FTO: variants seen among roughly 807,000 people sequenced by gnomAD.
The protein encoded by FTO is FTO alpha-ketoglutarate dependent dioxygenase.
In FTO, 47 loss-of-function variants were observed where a neutral mutation model predicts 63.9. That is an observed-to-expected ratio of 0.74 (90% CI 0.58 to 0.94). The LOEUF (loss-of-function observed/expected upper bound fraction) is 0.94. FTO is among the 40% of genes least tolerant of loss of function. The pLI is 0.00. For synonymous variants in FTO, 207 were observed against 224.4 expected, an observed-to-expected ratio of 0.92 and a Z score of 0.69; for missense variants, 562 against 618.1, an observed-to-expected ratio of 0.91 and a Z score of 0.96.
In FTO at chr16:54,114,552, T is replaced by C. The variant is rs2086956688; in HGVS notation, c.*2637T>C. 6.6e-6 allele frequency: 1 copy of C among 152,170 alleles called. No homozygotes were observed. Among genetic ancestry groups the C allele is most frequent in the South Asian group, 2.1e-4 (1 of 4,828 alleles). 9.4% of individuals were successfully genotyped at this position (152,170 alleles called of 1,614,324 possible). On this transcript the variant is annotated 3_prime_UTR_variant, in exon 9 of 9. Coordinates refer to ENST00000471389, the MANE Select transcript of FTO (RefSeq NM_001080432.3). Reference sequence around the variant, plus strand: ...GCCCAGGTGGAATTAGTTCTCAAAGTCCTCCAGGTGGAGTCAGGGAATGTG... The same window carrying C: ...GCCCAGGTGGAATTAGTTCTCAAAGCCCTCCAGGTGGAGTCAGGGAATGTG...
chr16:54,069,819 T>G (rs2085822020), intron 8 of FTO: 1 of 152,150 alleles, frequency 6.6e-6, no homozygotes, highest in East Asian at 1.9e-4. Flanking sequence ...CCAGTTTTCA[T>G]TTTGTAAATC....
At chr16:53,910,041 G>A (rs1423501142) in intron 7 of FTO, among the ~76,000 whole-genome samples, 2 of 151,982 alleles carry the variant, frequency 1.3e-5, no homozygotes, top group African/African-American at 2.4e-5. Context: ...ACACAGTCTA[G>A]CTACTATGCC....
chr16:53,794,718 T>A (rs1248455315), intron 1 of FTO, among the ~76,000 whole-genome samples: 1 of 151,950 alleles, frequency 6.6e-6, no homozygotes, highest in East Asian at 1.9e-4. Flanking sequence ...AATGAGAAAA[T>A]GTGGTGTTCC....
At chr16:54,018,638 C>G (rs1222746512) in intron 8 of FTO, among the ~76,000 whole-genome samples, 1 of 152,076 alleles carries the variant, frequency 6.6e-6, no homozygotes, top group Non-Finnish European at 1.5e-5. Context: ...ATGCTAGTCT[C>G]GTGATAGTGA....
chr16:53,801,616 G>C (rs2078228109), intron 1 of FTO, among the ~76,000 whole-genome samples: 1 of 151,630 alleles, frequency 6.6e-6, no homozygotes, highest in Non-Finnish European at 1.5e-5. Flanking sequence ...AAGATCTGCT[G>C]GTGTTGAATT....
intron 5 of FTO, among the ~76,000 whole-genome samples, chr16:53,876,534 A>G (rs2080659437): frequency 6.6e-6 from 1 of 152,238 alleles, no homozygotes; most frequent in Non-Finnish European, 1.5e-5. Flanking sequence ...CAAATCATAT[A>G]TCTCATAAAG....
intron 7 of FTO, among the ~76,000 whole-genome samples, chr16:53,915,778 T>A (rs2081849840): frequency 6.6e-6 from 1 of 152,236 alleles, no homozygotes; most frequent in South Asian, 2.1e-4. Context: ...GTGAAAGGGC[T>A]GTGCCCATCA....
chr16:54,081,261 C>T (rs1224632959), intron 8 of FTO, among the ~76,000 whole-genome samples: 3 of 152,178 alleles, frequency 2.0e-5, no homozygotes, highest in African/African-American at 4.8e-5. Context: ...CTTATGGTTA[C>T]AGCCCTACCC....
chr16:53,815,658 T>G (rs2078660076), intron 2 of FTO, among the ~76,000 whole-genome samples: 1 of 91,792 alleles, frequency 1.1e-5, no homozygotes, highest in African/African-American at 3.4e-5. Context: ...TTTTTTTTTT[T>G]TTTTTTTTGA....
intron 6 of FTO, among the ~76,000 whole-genome samples, chr16:53,882,401 A>G (rs1309751369): frequency 1.3e-5 from 2 of 151,746 alleles, no homozygotes; most frequent in African/African-American, 2.4e-5. Context: ...GAGCAAGATG[A>G]TAGAAATTGA....
At chr16:54,008,860 A>G (rs1252154616) in intron 8 of FTO, among the ~76,000 whole-genome samples, 1 of 139,828 alleles carries the variant, frequency 7.2e-6, no homozygotes. Context: ...TAATAATAAT[A>G]AATTAGCTGG....
chr16:53,929,681 A>G (rs1284795146), intron 7 of FTO, among the ~76,000 whole-genome samples: 1 of 152,200 alleles, frequency 6.6e-6, no homozygotes, highest in Non-Finnish European at 1.5e-5. Flanking sequence ...TTAAAAACTT[A>G]AATGCTATTT....
chr16:54,039,987 C>A (rs1272217883), intron 8 of FTO: 2 of 152,260 alleles, frequency 1.3e-5, no homozygotes, highest in East Asian at 3.9e-4. Flanking sequence ...AGGTTTCTAA[C>A]CTTGGCTGCA....
intron 8 of FTO, among the ~76,000 whole-genome samples, chr16:54,050,859 A>G (rs182830515): frequency 6.6e-6 from 1 of 152,244 alleles, no homozygotes; most frequent in African/African-American, 2.4e-5. Context: ...CAACAGAACT[A>G]TTAACTTTCT....
At chr16:53,799,090 A>G (rs569502812) in intron 1 of FTO, among the ~76,000 whole-genome samples, 73 of 152,032 alleles carry the variant, frequency 4.8e-4, no homozygotes, top group African/African-American at 1.6e-3. Flanking sequence ...GTTATTATAT[A>G]TTGTCCTTTT....
intron 4 of FTO, among the ~76,000 whole-genome samples, chr16:53,863,967 T>G (rs767218103): frequency 6.6e-6 from 1 of 152,140 alleles, no homozygotes; most frequent in Non-Finnish European, 1.5e-5. Context: ...CCAAAAGAGG[T>G]TTTGATCCAT....
intron 8 of FTO, among the ~76,000 whole-genome samples, chr16:53,955,372 G>T (rs1224003595): frequency 6.6e-6 from 1 of 152,170 alleles, no homozygotes; most frequent in Non-Finnish European, 1.5e-5. Context: ...GAGGATGTCA[G>T]ATAATGACAT....
chr16:53,881,096 T>C (rs2080815779), intron 6 of FTO, among the ~76,000 whole-genome samples: 1 of 147,290 alleles, frequency 6.8e-6, no homozygotes, highest in Admixed American at 6.7e-5. Context: ...CACTCCAGCC[T>C]GGGCAACAGA....
intron 8 of FTO, among the ~76,000 whole-genome samples, chr16:54,038,465 A>G (rs2084995874): frequency 6.6e-6 from 1 of 152,164 alleles, no homozygotes; most frequent in Admixed American, 6.6e-5. Context: ...TCTACCTCTG[A>G]TGGCCAAAGC....
Sources: gnomAD v4.1 joint callset for allele counts (sites outside exome capture counted in the v4.1 genomes callset) on GRCh38, gnomAD v4.1.1 for gene constraint, MANE v1.5 for transcripts, NCBI Gene and HGNC (gene_info 2026-07-23, HGNC 2026-07-21) for gene names.